SHROOM3: variants seen among roughly 807,000 people sequenced by gnomAD.
SHROOM3 encodes shroom family member 3, also known as protein Shroom3.
SHROOM3 carries 47 observed loss-of-function variants against 138.6 expected under a neutral mutation model. The ratio of observed to expected loss-of-function variants is 0.34; its 90% CI spans 0.27 to 0.43. The LOEUF (loss-of-function observed/expected upper bound fraction) is 0.43. Ranked by LOEUF, SHROOM3 falls within the 20% of genes least tolerant of loss-of-function variation. SHROOM3 has a pLI of 1.00. For synonymous variants in SHROOM3, 1,062 were observed against 1,063.3 expected, an observed-to-expected ratio of 1.00 and a Z score of 0.02; for missense variants, 2,491 against 2,596.5, an observed-to-expected ratio of 0.96 and a Z score of 0.88.
At chr4:76,665,140 T>A (rs1718657604) in intron 2 of SHROOM3, among the ~76,000 whole-genome samples, 1 of 152,078 alleles carries the variant, frequency 6.6e-6, no homozygotes, top group Admixed American at 6.6e-5. Context: ...TACAAATAGG[T>A]AGGATGGGTT....
chr4:76,631,149 G>A (rs1304769737), intron 2 of SHROOM3, among the ~76,000 whole-genome samples: 4 of 148,858 alleles, frequency 2.7e-5, no homozygotes, highest in Non-Finnish European at 4.4e-5. Context: ...GAGAGAGATT[G>A]AGTGAGGTGC....
In SHROOM3 at chr4:76,730,916, C is replaced by T; in HGVS notation, c.568C>T (p.His190Tyr). The T allele has an allele frequency of 6.2e-7, 1 of 1,614,132 alleles. No individual in the cohort carries two copies. The highest frequency in any genetic ancestry group is 2.2e-5 in the East Asian group (1 of 44,872). The change falls in exon 4 of 11, where the codon CAC (histidine) becomes TAC (tyrosine). Residue 190 changes from histidine (H) to tyrosine (Y), a missense_variant. By Grantham distance (83) the His-to-Tyr change is moderately conservative (BLOSUM62 2). Around this residue, in one of 4 missense-constraint regions of SHROOM3, gnomAD observed 284 missense variants for 322.8 expected, o/e 0.88. Coordinates refer to ENST00000296043, the MANE Select transcript of SHROOM3 (RefSeq NM_020859.4). ...ISQGMIGPPW[H>Y]QSYHSSSSTS... ...TCAGGGTATGATCGGCCCTCCTTGG[C>T]ACCAAAGCTACCATTCCAGGTAAGT...
In SHROOM3 at chr4:76,567,619, C is replaced by T. The variant is rs546024445; in HGVS notation, c.323+11856C>T. Reference sequence around the variant, plus strand: ...GAGCTGAGATCGTGCCACTGCACTCCAGCCTGGGCAACAGAGCGAGACTCC... The same window carrying T: ...GAGCTGAGATCGTGCCACTGCACTCTAGCCTGGGCAACAGAGCGAGACTCC... On this transcript the variant is annotated intron_variant, in intron 2 of 10. Coordinates refer to ENST00000296043, the MANE Select transcript of SHROOM3 (RefSeq NM_020859.4). 1.6e-4 allele frequency among the ~76,000 whole-genome samples: 25 copies of T among 152,264 alleles called. No homozygotes were observed. The South Asian group carries it at 5.2e-3, about 32-fold the overall frequency.
At chr4:76,509,377 C>G (rs1732284508) in intron 1 of SHROOM3, 1 of 152,126 alleles carries the variant, frequency 6.6e-6, no homozygotes. Flanking sequence ...TACCTGGGGC[C>G]TTACTGAAAT....
At chr4:76,677,860 A>G (rs535726850) in intron 2 of SHROOM3, among the ~76,000 whole-genome samples, 1 of 152,340 alleles carries the variant, frequency 6.6e-6, no homozygotes, top group Admixed American at 6.5e-5. Context: ...ACCTACGGGG[A>G]GAAAGTTGTG....
At chr4:76,720,362 C>T (rs1720506239) in intron 3 of SHROOM3, among the ~76,000 whole-genome samples, 1 of 151,850 alleles carries the variant, frequency 6.6e-6, no homozygotes, top group Admixed American at 6.6e-5. Flanking sequence ...TTTAAAAATG[C>T]TTCAGACCTT....
chr4:76,634,208 T>C (rs1735425969), intron 2 of SHROOM3, among the ~76,000 whole-genome samples: 2 of 152,174 alleles, frequency 1.3e-5, no homozygotes, highest in Admixed American at 1.3e-4. Context: ...AATTGATTGA[T>C]TTGTTGCCTT....
chr4:76,682,851 A>G (rs1719238913), intron 2 of SHROOM3, among the ~76,000 whole-genome samples: 2 of 152,358 alleles, frequency 1.3e-5, no homozygotes, highest in South Asian at 4.1e-4. Flanking sequence ...AAAGGGTATA[A>G]TGTGGTTGGT....
In SHROOM3 at chr4:76,779,169, C is replaced by T. The variant is rs369295063; in HGVS notation, c.5983C>T (p.Pro1995Ser). 123 of 1,601,704 alleles carry T rather than the reference C, an allele frequency of 7.7e-5. No individual in the cohort carries two copies. Among genetic ancestry groups the T allele is most frequent in the Non-Finnish European group, 1.0e-4 (123 of 1,173,362 alleles). ...TGGTATTTTCCCAACATTAACCTCTCCACTTTAACCTCTTCTAAAATACCC... is the reference window on the plus strand; with the variant it reads ...TGGTATTTTCCCAACATTAACCTCTTCACTTTAACCTCTTCTAAAATACCC... ...FSGIFPTLTS[P>S]L is the part of the protein sequence containing the mutation. The change falls in exon 11 of 11, where the codon CCA (proline) becomes TCA (serine). Residue 1995 changes from proline to serine, a missense_variant. Coordinates refer to ENST00000296043, the MANE Select transcript of SHROOM3 (RefSeq NM_020859.4).
In SHROOM3 at chr4:76,664,582, C is replaced by G. The variant is rs1718642095; in HGVS notation, c.324-45574C>G. Among the ~76,000 whole-genome samples the G allele has an allele frequency of 6.6e-6, 1 of 152,110 alleles. No homozygotes were observed. The highest frequency in any genetic ancestry group is 1.5e-5 in the Non-Finnish European group (1 of 68,030). On this transcript the variant is annotated intron_variant, in intron 2 of 10. Coordinates refer to ENST00000296043, the MANE Select transcript of SHROOM3 (RefSeq NM_020859.4). The surrounding 1 kb of genome is among the most constrained non-coding windows in gnomAD (Gnocchi z 4.2). ...CTGATTCAGTTGGTTTGAGGTTGGT[C>G]CTGGGCCTCTGGGTCTTTATGCTTT...
At chr4:76,574,118 C>T (rs2110039707) in intron 2 of SHROOM3, among the ~76,000 whole-genome samples, 1 of 152,312 alleles carries the variant, frequency 6.6e-6, no homozygotes, top group Non-Finnish European at 1.5e-5. Context: ...TGACTTGCCA[C>T]CATCTTTTCC....
intron 2 of SHROOM3, among the ~76,000 whole-genome samples, chr4:76,640,227 G>A (rs902394003): frequency 1.2e-4 from 18 of 152,156 alleles, no homozygotes; most frequent in Admixed American, 2.0e-4. Flanking sequence ...TACGTGTGTC[G>A]TTAGCTGTAA....
At position 76,515,213 on chromosome 4, in the gene SHROOM3, TAAAAAA is replaced by T. The variant is rs67216189; in HGVS notation, c.169-40378_169-40373del. Among the ~76,000 whole-genome samples the T allele has an allele frequency of 4.1e-3, 465 of 113,038 alleles. 3 individuals are homozygous for T. Among genetic ancestry groups the T allele is most frequent in the African/African-American group, 0.013 (418 of 31,962 alleles). The allele number at this position is 113,038 out of a possible 152,430, so 74.2% of individuals were successfully genotyped here. A position where few individuals can be genotyped will look rare whatever the true frequency, so the allele number is the denominator to read the frequency against. On this transcript the variant is annotated intron_variant, in intron 1 of 10. Transcript: ENST00000296043. Reference sequence around the variant, plus strand: ...CTGGGTGACAGAGCAAAACTCTGTCTAAAAAAAAAAAAAAAAAAAAAAATTAGCTGG... The same window carrying T: ...CTGGGTGACAGAGCAAAACTCTGTCTAAAAAAAAAAAAAAAAATTAGCTGG...
At chr4:76,750,432 C>T (rs1456038974) in intron 6 of SHROOM3, among the ~76,000 whole-genome samples, 2 of 152,038 alleles carry the variant, frequency 1.3e-5, no homozygotes, top group Admixed American at 6.6e-5. Context: ...AAATACTGCA[C>T]GTTCTCACTT....
intron 2 of SHROOM3, among the ~76,000 whole-genome samples, chr4:76,612,403 T>C (rs1734782436): frequency 6.6e-6 from 1 of 152,178 alleles, no homozygotes; most frequent in South Asian, 2.1e-4. Flanking sequence ...AACTGGTGTG[T>C]TAGTCAGTAA....
At chr4:76,730,486 A>G (rs1720840103) in intron 3 of SHROOM3, among the ~76,000 whole-genome samples, 1 of 152,232 alleles carries the variant, frequency 6.6e-6, no homozygotes, top group Non-Finnish European at 1.5e-5. Context: ...TGTGCTTTAC[A>G]TTAATAAAGT....
chr4:76,697,036 C>T (rs543074387), intron 2 of SHROOM3, among the ~76,000 whole-genome samples: 5 of 152,128 alleles, frequency 3.3e-5, no homozygotes, highest in African/African-American at 7.2e-5. Flanking sequence ...CCCATCTCAG[C>T]TTCCTGAGTA....
chr4:76,575,438 T>C (rs932510068), intron 2 of SHROOM3: 1 of 152,164 alleles, frequency 6.6e-6, no homozygotes, highest in Non-Finnish European at 1.5e-5. Context: ...AAGATGATCT[T>C]ATATTTGGAA....
intron 2 of SHROOM3, among the ~76,000 whole-genome samples, chr4:76,605,263 C>G (rs556933213): frequency 7.9e-5 from 12 of 152,226 alleles, no homozygotes; most frequent in Admixed American, 2.6e-4. Context: ...TAATTAAAAA[C>G]AAGTGGAGAA....
Sources: allele counts gnomAD v4.1 joint callset (sites outside exome capture counted in the v4.1 genomes callset), GRCh38; gene constraint gnomAD v4.1.1; regional missense constraint gnomAD v4.1.1; non-coding constraint Gnocchi (gnomAD v3.1); transcripts MANE v1.5; gene names NCBI Gene and HGNC (gene_info 2026-07-23, HGNC 2026-07-21).